The following STK11 variants were observed in gnomAD, a reference collection of about 807,000 sequenced individuals.
STK11 encodes the protein serine/threonine kinase 11, also known as serine/threonine-protein kinase STK11.
In STK11, 8 loss-of-function variants were observed where a neutral mutation model predicts 47.3. The ratio of observed to expected loss-of-function variants is 0.17; its 90% confidence interval spans 0.10 to 0.31. The LOEUF is 0.31. Ranked by LOEUF, STK11 falls within the 10% of genes least tolerant of loss-of-function variation. The pLI is 1.00. For synonymous variants in STK11, 330 were observed against 255.8 expected (o/e 1.29, Z -2.77); for missense variants, 475 against 605.0 (o/e 0.79, Z 2.25).
chr19:1,222,615 G>C (rs1219632366), intron 7 of STK11, among the ~76,000 whole-genome samples: 1 of 151,874 alleles, frequency 6.6e-6, no homozygotes, highest in African/African-American at 2.4e-5. Flanking sequence ...CGGGTCATCT[G>C]GGCGCCTGGC....
rs1223833490 is a variant in STK11 at position 1,216,679 on chromosome 19, T to G, written c.291-1738T>G. ...CCTAGTAGTTCAAACGAGACCAGCC[T>G]GGGCAGCACGGTGAAACTGTCTCTA... On this transcript the variant is annotated intron_variant, in intron 1 of 9. Coordinates refer to ENST00000326873, the MANE Select transcript of STK11 (RefSeq NM_000455.5). Among the ~76,000 whole-genome samples the G allele has an allele frequency of 2.6e-5, 4 of 151,702 alleles. No individual in the cohort carries two copies. In the South Asian group the frequency reaches 6.3e-4, roughly 24 times the overall value.
At chr19:1,219,256 C>T (rs2080764543) in intron 2 of STK11, 68 bp from the exon 3 acceptor site, 4 of 1,532,310 alleles carry the variant, frequency 2.6e-6, no homozygotes, top group Admixed American at 3.9e-5. Context: ...AGCCCCTTTT[C>T]TGGCCCCCGT....
chr19:1,227,785 G>A lies in STK11; in HGVS notation c.*209G>A, dbSNP rs2080836786. 1 of 1,074,636 alleles carries A rather than the reference G, an allele frequency of 9.3e-7. No individual in the cohort carries two copies. The highest frequency in any genetic ancestry group is 4.5e-5 in the South Asian group (1 of 22,058). 66.6% of individuals were successfully genotyped at this position (1,074,636 alleles called of 1,614,324 possible). On this transcript the variant is annotated 3_prime_UTR_variant, in exon 10 of 10. Transcript: ENST00000326873. The stretch of plus-strand genomic sequence containing the variant: ...GCCCTCCCCCCTCGGCCGCCCGGCA[G>A]TGCACGCGGCTTGTTGACTTCGCAG...
In STK11 at chr19:1,220,577, A is replaced by G. The variant is rs1599926747; in HGVS notation, c.598-4A>G. 1.0e-5 allele frequency: 16 copies of G among 1,581,244 alleles called. No individual in the cohort carries two copies. Among genetic ancestry groups the G allele is most frequent in the Non-Finnish European group, 1.3e-5 (15 of 1,162,838 alleles). ...TCCCTGAGGGCTGCACGGCACCGCCACAGGCACTGCACCCGTTCGCGGCGG... is the reference window on the plus strand; with the variant it reads ...TCCCTGAGGGCTGCACGGCACCGCCGCAGGCACTGCACCCGTTCGCGGCGG... On this transcript the variant is annotated splice_polypyrimidine_tract_variant and splice_region_variant and intron_variant, in intron 4 of 9. Coordinates refer to ENST00000326873, the MANE Select transcript of STK11 (RefSeq NM_000455.5).
At chr19:1,214,165 T>G (rs1323140662) in intron 1 of STK11, among the ~76,000 whole-genome samples, 2 of 152,156 alleles carry the variant, frequency 1.3e-5, no homozygotes, top group African/African-American at 4.8e-5. Context: ...CTGGGCCTCC[T>G]CTTCTGCTCT....
At chr19:1,218,608 G>A (rs2080760034) in intron 2 of STK11, 108 bp downstream of exon 2, 3 of 965,234 alleles carry the variant, frequency 3.1e-6, no homozygotes, top group Admixed American at 1.8e-5. Flanking sequence ...AAGGAGACTG[G>A]CACACGAGGG....
At chr19:1,210,967 C>T (rs1180299054) in intron 1 of STK11, among the ~76,000 whole-genome samples, 2 of 152,072 alleles carry the variant, frequency 1.3e-5, no homozygotes, top group Admixed American at 1.3e-4. Context: ...TTGAGACCAG[C>T]GTGGCCAACA....
At chr19:1,224,189 C>G (rs944886670) in intron 8 of STK11, 1 of 985,150 alleles carries the variant, frequency 1.0e-6, no homozygotes, top group Non-Finnish European at 1.2e-6. Flanking sequence ...GTATGGGGGT[C>G]CCCGGGGGGT....
At chr19:1,221,081 G>A (rs904085830) in intron 5 of STK11, 132 bp from the exon 6 acceptor site, 5 of 1,312,642 alleles carry the variant, frequency 3.8e-6, no homozygotes, top group Middle Eastern at 3.8e-4. Flanking sequence ...TGAAGACAGA[G>A]GTGTCCTTGA....
intron 9 of STK11, chr19:1,227,350 T>C: frequency 4.5e-6 from 1 of 221,830 alleles, no homozygotes; most frequent in East Asian, 8.0e-5. Flanking sequence ...TACATGTCTG[T>C]CCCCCAAATG....
chr19:1,219,033 C>T (rs762901149), intron 2 of STK11, among the ~76,000 whole-genome samples: 2 of 152,128 alleles, frequency 1.3e-5, no homozygotes, highest in Non-Finnish European at 2.9e-5. Context: ...CTTGGGGGGG[C>T]GTCCAGGAGG....
chr19:1,213,171 G>C (rs1188654490), intron 1 of STK11, among the ~76,000 whole-genome samples: 1 of 149,790 alleles, frequency 6.7e-6, no homozygotes, highest in Non-Finnish European at 1.5e-5. Context: ...TAATTTTTTT[G>C]TATTTTTAGT....
At chr19:1,213,675 G>A (rs550499500) in intron 1 of STK11, among the ~76,000 whole-genome samples, 1 of 152,348 alleles carries the variant, frequency 6.6e-6, no homozygotes, top group Non-Finnish European at 1.5e-5. Context: ...CTCATCTGTG[G>A]CTGGACACTT....
intron 6 of STK11, 118 bp from the exon 7 acceptor site, chr19:1,221,831 C>G: frequency 8.0e-7 from 1 of 1,247,066 alleles, no homozygotes; most frequent in Non-Finnish European, 1.1e-6. Flanking sequence ...GCGGGGTCCC[C>G]CTTAGGAGCG....
At chr19:1,225,741 G>T in intron 8 of STK11, 1 of 985,620 alleles carries the variant, frequency 1.0e-6, no homozygotes, top group South Asian at 4.7e-5. Flanking sequence ...CCCGGGAGGG[G>T]CCTCGGGGAT....
chr19:1,208,909 C>T (rs1372021327), intron 1 of STK11, among the ~76,000 whole-genome samples: 2 of 151,952 alleles, frequency 1.3e-5, no homozygotes, highest in Non-Finnish European at 2.9e-5. Flanking sequence ...GCGTGAGCCA[C>T]CGCGCCCGGC....
At chr19:1,217,645 G>A (rs1421402120) in intron 1 of STK11, among the ~76,000 whole-genome samples, 4 of 152,142 alleles carry the variant, frequency 2.6e-5, no homozygotes, top group African/African-American at 7.2e-5. Flanking sequence ...TTTCTGTGGC[G>A]TCTCCTTCTT....
At chr19:1,209,679 C>T (rs995514297) in intron 1 of STK11, among the ~76,000 whole-genome samples, 6 of 152,108 alleles carry the variant, frequency 3.9e-5, no homozygotes, top group African/African-American at 1.2e-4. Flanking sequence ...AAGACAGACG[C>T]TGGAGGGTGG....
At chr19:1,217,209 TTTTG>T (rs1779452532) in intron 1 of STK11, among the ~76,000 whole-genome samples, 2 of 152,088 alleles carry the variant, frequency 1.3e-5, no homozygotes, top group Admixed American at 6.6e-5. Context: ...TCATTTTTGT[TTTTG>T]TTTAATTTTT....
Sources: allele counts gnomAD v4.1 joint callset (sites outside exome capture counted in the v4.1 genomes callset), GRCh38; gene constraint gnomAD v4.1.1; transcripts MANE v1.5; gene names NCBI Gene and HGNC (gene_info 2026-07-23, HGNC 2026-07-21).